NAV3: variants seen among roughly 807,000 people sequenced by gnomAD.
The protein encoded by NAV3 is pore membrane and/or filament interacting like protein 1.
NAV3 carries 87 observed loss-of-function variants against 244.7 expected under a neutral mutation model. The ratio of observed to expected loss-of-function variants is 0.36; its 90% CI spans 0.30 to 0.42. NAV3 has a LOEUF of 0.42. Ranked by LOEUF, NAV3 falls within the 20% of genes least tolerant of loss-of-function variation. NAV3 has a pLI of 1.00. For missense variants in NAV3, 2,663 were observed against 2,893.3 expected (o/e 0.92, Z 1.83); for synonymous variants, 1,126 against 1,042.2 (o/e 1.08, Z -1.55).
At chr12:77,930,874 T>A (rs1441670272) in intron 1 of NAV3, among the ~76,000 whole-genome samples, 3 of 152,238 alleles carry the variant, frequency 2.0e-5, no homozygotes, top group Admixed American at 6.5e-5. Context: ...TTTCTCTGTA[T>A]CTTCTAGTTG....
intron 12 of NAV3, among the ~76,000 whole-genome samples, chr12:78,112,013 C>G (rs149780351): frequency 7.2e-5 from 11 of 152,214 alleles, no homozygotes; most frequent in African/African-American, 2.4e-4. Context: ...AGGAATTAAA[C>G]TATAGTAGAA....
intron 1 of NAV3, among the ~76,000 whole-genome samples, chr12:77,847,131 A>G (rs1173435978): frequency 6.6e-6 from 1 of 152,190 alleles, no homozygotes; most frequent in Non-Finnish European, 1.5e-5. Context: ...TAAGACAGAC[A>G]GGATGTGGTC....
In NAV3 at chr12:77,998,464, G is replaced by A; in HGVS notation, c.868G>A (p.Gly290Arg). ...AAACAAGCCTCCAAATTATGCAAAT[G>A]GAAACGAAAAAGGTAAGTGTTTGTT... ...DKNKPPNYAN[G>R]NEKDSSKGPQ... Residue 290 changes from glycine to arginine, a missense_variant, in exon 7 of 40, where the codon GGA (glycine) becomes AGA (arginine). Physicochemically the swap from Gly to Arg is moderately radical, Grantham distance 125. This residue lies in a region of NAV3 where 1,521 missense variants were observed against 1,497.0 expected (regional missense o/e 1.02). Transcript: ENST00000397909. 3.1e-6 allele frequency: 5 copies of A among 1,599,272 alleles called. No homozygotes were observed. The highest frequency in any genetic ancestry group is 3.5e-5 in the Admixed American group (2 of 56,398).
intron 2 of NAV3, among the ~76,000 whole-genome samples, chr12:77,712,393 C>T (rs1012763941): frequency 5.9e-5 from 9 of 152,136 alleles, no homozygotes; most frequent in Non-Finnish European, 1.2e-4. Context: ...CAGTTTAATG[C>T]ACATGGGCTC....
chr12:78,045,751 G>A (rs982764395), intron 9 of NAV3, among the ~76,000 whole-genome samples: 2 of 152,200 alleles, frequency 1.3e-5, no homozygotes, highest in African/African-American at 2.4e-5. Context: ...CTCATAAAAT[G>A]AGTTAGGGAG....
intron 2 of NAV3, among the ~76,000 whole-genome samples, chr12:77,744,944 T>C (rs1868461353): frequency 1.3e-5 from 2 of 152,034 alleles, no homozygotes; most frequent in Non-Finnish European, 1.5e-5. Flanking sequence ...CTAAAATACA[T>C]CATAAGAGTG....
intron 8 of NAV3, among the ~76,000 whole-genome samples, chr12:78,021,402 A>G (rs1449482857): frequency 6.6e-6 from 1 of 152,150 alleles, no homozygotes; most frequent in African/African-American, 2.4e-5. Context: ...TACTTTCACT[A>G]TTCTCACAAA....
At chr12:77,646,049 T>G (rs1872594357) in intron 2 of NAV3, among the ~76,000 whole-genome samples, 1 of 152,232 alleles carries the variant, frequency 6.6e-6, no homozygotes, top group East Asian at 1.9e-4. Context: ...TTGTATTTAC[T>G]TAAGGTATAC....
chr12:78,060,186 C>T (rs968462432), intron 12 of NAV3, among the ~76,000 whole-genome samples: 1 of 151,966 alleles, frequency 6.6e-6, no homozygotes, highest in African/African-American at 2.4e-5. Flanking sequence ...ATCTAAATAC[C>T]TAGAGTAGTT....
intron 3 of NAV3, among the ~76,000 whole-genome samples, chr12:77,952,450 A>T (rs1033518470): frequency 1.3e-5 from 2 of 151,942 alleles, no homozygotes; most frequent in Non-Finnish European, 2.9e-5. Context: ...TGTTCCACTG[A>T]TTATTTTCCC....
chr12:78,181,357 A>C (rs1958490631), intron 30 of NAV3, among the ~76,000 whole-genome samples: 1 of 152,076 alleles, frequency 6.6e-6, no homozygotes, highest in African/African-American at 2.4e-5. Flanking sequence ...ACTTATGGAT[A>C]TAATAATAAC....
intron 2 of NAV3, among the ~76,000 whole-genome samples, chr12:77,765,734 A>T (rs1869715511): frequency 6.6e-6 from 1 of 152,168 alleles, no homozygotes; most frequent in Non-Finnish European, 1.5e-5. Flanking sequence ...AAGGAAATGA[A>T]AGATCACTCA....
intron 2 of NAV3, among the ~76,000 whole-genome samples, chr12:77,746,906 A>G (rs1868576134): frequency 6.6e-6 from 1 of 152,178 alleles, no homozygotes; most frequent in South Asian, 2.1e-4. Flanking sequence ...ATATAGTCTC[A>G]ATAGTTATTA....
intron 2 of NAV3, among the ~76,000 whole-genome samples, chr12:77,659,799 T>C (rs954998236): frequency 5.9e-5 from 9 of 152,224 alleles, no homozygotes; most frequent in Non-Finnish European, 1.2e-4. Flanking sequence ...GATGAGTTCA[T>C]GTCCTTTGTA....
intron 2 of NAV3, among the ~76,000 whole-genome samples, chr12:77,623,988 G>C (rs1565741637): frequency 6.6e-6 from 1 of 152,150 alleles, no homozygotes; most frequent in African/African-American, 2.4e-5. Flanking sequence ...TCCATTGTGT[G>C]TCATGCACTG....
intron 12 of NAV3, among the ~76,000 whole-genome samples, chr12:78,114,560 A>G (rs1375443705): frequency 6.6e-6 from 1 of 152,132 alleles, no homozygotes; most frequent in African/African-American, 2.4e-5. Context: ...TTATAAAGTC[A>G]TCAGATCTCA....
intron 9 of NAV3, among the ~76,000 whole-genome samples, chr12:78,048,506 G>C (rs974561112): frequency 6.6e-6 from 1 of 152,168 alleles, no homozygotes; most frequent in Non-Finnish European, 1.5e-5. Context: ...TTTGCTGGAG[G>C]TTCACTCCAG....
intron 2 of NAV3, among the ~76,000 whole-genome samples, chr12:77,794,301 G>A (rs1386645132): frequency 1.3e-5 from 2 of 152,118 alleles, no homozygotes. Flanking sequence ...TCAGAAATCT[G>A]TTCATAGCCT....
chr12:77,829,981 T>G (rs1397987679), upstream of NAV3, among the ~76,000 whole-genome samples: 2 of 152,350 alleles, frequency 1.3e-5, no homozygotes, highest in South Asian at 4.1e-4. Flanking sequence ...GGTTGCATTA[T>G]TACTAATTTT....
Sources: allele counts gnomAD v4.1 joint callset (sites outside exome capture counted in the v4.1 genomes callset), GRCh38; gene constraint gnomAD v4.1.1; regional missense constraint gnomAD v4.1.1; transcripts MANE v1.5; gene names NCBI Gene and HGNC (gene_info 2026-07-23, HGNC 2026-07-21).